SMIM31: variants seen among roughly 807,000 people sequenced by gnomAD.
SMIM31 encodes small integral membrane protein 31, also known as human epithelial cell program regulator.
At chr4:164,769,880 T>C (rs1388305855) in intron 1 of SMIM31, among the ~76,000 whole-genome samples, 1 of 152,168 alleles carries the variant, frequency 6.6e-6, no homozygotes, top group Non-Finnish European at 1.5e-5. Flanking sequence ...CAGTATAGTA[T>C]ATTGATTAAG....
chr4:164,765,581 T>C (rs1482342082), intron 1 of SMIM31, among the ~76,000 whole-genome samples: 1 of 148,284 alleles, frequency 6.7e-6, no homozygotes, highest in Non-Finnish European at 1.5e-5. Context: ...AGCAGGTGAG[T>C]CTTGTTCAGA....
chr4:164,790,081 G>T (rs6536852), intron 2 of SMIM31, among the ~76,000 whole-genome samples: 110,626 of 151,986 alleles, frequency 0.73, 40,773 homozygotes, highest in Non-Finnish European at 0.8. Flanking sequence ...AGATAAGCAA[G>T]GAACACATGA....
chr4:164,799,203 T>C (rs1733250841), intron 2 of SMIM31, among the ~76,000 whole-genome samples: 1 of 151,226 alleles, frequency 6.6e-6, no homozygotes, highest in Non-Finnish European at 1.5e-5. Context: ...CTGGGCAACA[T>C]AACAAAACCC....
At chr4:164,775,578 C>T (rs1047999372) in intron 2 of SMIM31, among the ~76,000 whole-genome samples, 1 of 152,216 alleles carries the variant, frequency 6.6e-6, no homozygotes, top group Non-Finnish European at 1.5e-5. Context: ...ATTTGAGGTG[C>T]TCTCCCTATA....
intron 1 of SMIM31, among the ~76,000 whole-genome samples, chr4:164,764,343 C>T (rs2110924563): frequency 6.6e-6 from 1 of 151,980 alleles, no homozygotes; most frequent in South Asian, 2.1e-4. Flanking sequence ...CCGAGGCGGG[C>T]AGATCATGAG....
At chr4:164,785,942 C>T in intron 2 of SMIM31, among the ~76,000 whole-genome samples, 1 of 152,058 alleles carries the variant, frequency 6.6e-6, no homozygotes. Flanking sequence ...CAATTTGTAG[C>T]TAGTAAAAAT....
At chr4:164,756,504 G>A (rs373003393) in intron 1 of SMIM31, among the ~76,000 whole-genome samples, 4 of 151,802 alleles carry the variant, frequency 2.6e-5, no homozygotes, top group African/African-American at 7.3e-5. Flanking sequence ...CCTGGGAGGC[G>A]GAGCTTGCAG....
chr4:164,763,203 A>G (rs563196637), intron 1 of SMIM31, among the ~76,000 whole-genome samples: 2 of 152,308 alleles, frequency 1.3e-5, no homozygotes, highest in South Asian at 4.1e-4. Flanking sequence ...CAATAATTCA[A>G]TTCATTAAAT....
Position 164,801,429 on chromosome 4 carries a change from G to C in SMIM31, c.*235G>C, listed in dbSNP as rs1394121257. On this transcript the variant is annotated 3_prime_UTR_variant, in exon 3 of 3. Transcript: ENST00000507311. ...GCCATACACCATTCTAGCTGCAATT[G>C]ATTATACAAAAAAAAAAAGACCAAA... The C allele has an allele frequency of 6.7e-6, 2 of 300,282 alleles. No individual in the cohort carries two copies. Among genetic ancestry groups the C allele is most frequent in the East Asian group, 1.0e-4 (2 of 19,560 alleles). The allele number at this position is 300,282 out of a possible 1,614,324, so 18.6% of individuals were successfully genotyped here. A position where few individuals can be genotyped will look rare whatever the true frequency, so the allele number is the denominator to read the frequency against.
At chr4:164,767,310 G>A (rs10003667) in intron 1 of SMIM31, among the ~76,000 whole-genome samples, 2 of 151,924 alleles carry the variant, frequency 1.3e-5, no homozygotes, top group Non-Finnish European at 2.9e-5. Flanking sequence ...AAGGTAACCA[G>A]GCTTTAGTCA....
intron 1 of SMIM31, among the ~76,000 whole-genome samples, chr4:164,757,253 T>A (rs1197459478): frequency 2.6e-5 from 4 of 152,208 alleles, no homozygotes; most frequent in Non-Finnish European, 4.4e-5. Context: ...GCCATTTTTT[T>A]AAAACTTGGA....
At chr4:164,775,376 G>C (rs940348759) in intron 2 of SMIM31, among the ~76,000 whole-genome samples, 1 of 152,172 alleles carries the variant, frequency 6.6e-6, no homozygotes, top group African/African-American at 2.4e-5. Flanking sequence ...GAATGATTTA[G>C]CTGAGATTTG....
intron 2 of SMIM31, among the ~76,000 whole-genome samples, chr4:164,792,319 C>T (rs1188538424): frequency 6.6e-6 from 1 of 152,116 alleles, no homozygotes; most frequent in Non-Finnish European, 1.5e-5. Flanking sequence ...AACTCATTGA[C>T]AAAAGGAGTG....
intron 2 of SMIM31, among the ~76,000 whole-genome samples, chr4:164,799,211 C>T (rs1197650710): frequency 6.6e-6 from 1 of 151,970 alleles, no homozygotes; most frequent in Non-Finnish European, 1.5e-5. Context: ...CATAACAAAA[C>T]CCCATCCCTC....
chr4:164,766,222 G>C (rs545145464), intron 1 of SMIM31, among the ~76,000 whole-genome samples: 37 of 152,292 alleles, frequency 2.4e-4, no homozygotes, highest in African/African-American at 8.4e-4. Context: ...TATACTTCTT[G>C]TCCTCTGGGT....
Position 164,802,824 on chromosome 4 carries a change from C to T in SMIM31, c.*1630C>T, listed in dbSNP as rs1733304514. 1 of 152,170 alleles carries T rather than the reference C, an allele frequency of 6.6e-6. No homozygotes were observed. The highest frequency in any genetic ancestry group is 2.4e-5 in the African/African-American group (1 of 41,430). The allele number at this position is 152,170 out of a possible 1,614,324, so 9.4% of individuals were successfully genotyped here. ...GCTTACAAAGTTAACCAAGTAGTCA[C>T]CCAGGTCAGAGTACTAAACATTTAA... On this transcript the variant is annotated 3_prime_UTR_variant, in exon 3 of 3. Coordinates refer to ENST00000507311, the MANE Select transcript of SMIM31 (RefSeq NM_001352885.1).
rs373622960 is a variant in SMIM31, at chr4:164,758,629, TG to T, written c.-26+4219del. On this transcript the variant is annotated intron_variant, in intron 1 of 2. Transcript: ENST00000507311. ...ACCATATATGTAGTTTTCCTTTTTT[TG>T]TTTTTTTTTTTTTTTTTTTTTGAGA... 5.2e-4 allele frequency among the ~76,000 whole-genome samples: 66 copies of T among 127,028 alleles called. 8 individuals are homozygous for T. The highest frequency in any genetic ancestry group is 8.5e-4 in the Non-Finnish European group (50 of 58,524). 83.3% of individuals were successfully genotyped at this position (127,028 alleles called of 152,430 possible).
intron 2 of SMIM31, among the ~76,000 whole-genome samples, chr4:164,791,360 T>C (rs1733097957): frequency 6.6e-6 from 1 of 152,240 alleles, no homozygotes; most frequent in Admixed American, 6.5e-5. Context: ...TGAGACAGGG[T>C]CTGGCTCTGT....
rs72992332 is a variant in SMIM31, at chr4:164,800,251, C to T, written c.113-840C>T. Among the ~76,000 whole-genome samples, 406 of 150,950 alleles carry T rather than the reference C, an allele frequency of 2.7e-3. 3 individuals carry two copies. Among genetic ancestry groups the T allele is most frequent in the African/African-American group, 9.7e-3 (400 of 41,052 alleles). On this transcript the variant is annotated intron_variant, in intron 2 of 2. Coordinates refer to ENST00000507311, the MANE Select transcript of SMIM31 (RefSeq NM_001352885.1). ...TTTTTTTGACAAAGTCTCTCTTTGT[C>T]GAGGCTGGAGTACAGTGGTGCTATC...
Sources: gnomAD v4.1 joint callset for allele counts (sites outside exome capture counted in the v4.1 genomes callset) on GRCh38, gnomAD v4.1.1 for gene constraint, MANE v1.5 for transcripts, NCBI Gene and HGNC (gene_info 2026-07-23, HGNC 2026-07-21) for gene names.